The following LIMD1 variants were observed in gnomAD, a reference collection of about 807,000 sequenced individuals.
LIMD1 encodes the protein LIM domain-containing protein 1.
LIMD1 carries 23 observed loss-of-function variants against 58.4 expected under a neutral mutation model. The observed-to-expected ratio is 0.39, with a 90% CI of 0.28 to 0.56. LIMD1 has a LOEUF of 0.56. Among genes scored for constraint, LIMD1 ranks in the 20% least tolerant of loss-of-function variants. The pLI, the probability that LIMD1 is intolerant of heterozygous loss-of-function variation, is 0.57. For missense variants in LIMD1, 838 were observed against 855.5 expected, an observed-to-expected ratio of 0.98 and a Z score of 0.25; for synonymous variants, 334 against 345.5, an observed-to-expected ratio of 0.97 and a Z score of 0.37.
intron 2 of LIMD1, among the ~76,000 whole-genome samples, chr3:45,639,938 C>T (rs972578918): frequency 6.6e-6 from 1 of 152,252 alleles, no homozygotes; most frequent in African/African-American, 2.4e-5. Flanking sequence ...GCTGGGATTA[C>T]AGGCGTGAGC....
rs1701320208 is a variant in LIMD1, at chr3:45,594,808, CA to C, written c.-71del. ...ACACACACACACACACACACACACA[CA>C]CACACACACACACACACACACACAC... On this transcript the variant is annotated 5_prime_UTR_variant, in exon 1 of 8. Coordinates refer to ENST00000273317, the MANE Select transcript of LIMD1 (RefSeq NM_014240.3). 1 of 652,470 alleles carries C rather than the reference CA, an allele frequency of 1.5e-6. No homozygotes were observed. The highest frequency in any genetic ancestry group is 2.5e-6 in the Non-Finnish European group (1 of 397,660). 40.4% of individuals were successfully genotyped at this position (652,470 alleles called of 1,614,324 possible). A position where few individuals can be genotyped will look rare whatever the true frequency, so the allele number is the denominator to read the frequency against.
chr3:45,671,731 G>C (rs758436328), intron 4 of LIMD1, among the ~76,000 whole-genome samples: 3 of 152,176 alleles, frequency 2.0e-5, no homozygotes, highest in Non-Finnish European at 2.9e-5. Context: ...AGAAATCTGG[G>C]ATGGGGTCCA....
chr3:45,677,396 G>A lies in LIMD1; in HGVS notation c.*337G>A, dbSNP rs1697685634. On this transcript the variant is annotated 3_prime_UTR_variant, in exon 8 of 8. Coordinates refer to ENST00000273317, the MANE Select transcript of LIMD1 (RefSeq NM_014240.3). ...GAACATTTCATGCTTCAGAGGGAGA[G>A]GTTTTTATTGAGCTTGTTTCACAAT... The A allele has an allele frequency of 4.6e-6, 1 of 215,808 alleles. No homozygotes were observed. The highest frequency in any genetic ancestry group is 9.4e-6 in the Non-Finnish European group (1 of 106,862). The allele number at this position is 215,808 out of a possible 1,614,324, so 13.4% of individuals were successfully genotyped here.
At chr3:45,672,043 T>A (rs1209243278) in intron 4 of LIMD1, among the ~76,000 whole-genome samples, 2 of 152,166 alleles carry the variant, frequency 1.3e-5, no homozygotes, top group Non-Finnish European at 2.9e-5. Context: ...GGAAGAAGTT[T>A]GTGGGGCTTT....
intron 1 of LIMD1, among the ~76,000 whole-genome samples, chr3:45,606,546 C>T (rs947122411): frequency 5.3e-5 from 8 of 152,240 alleles, no homozygotes; most frequent in African/African-American, 1.9e-4. Context: ...AAGTGCCTCC[C>T]TGCAGGGCAG....
chr3:45,607,193 G>T (rs979562982), intron 1 of LIMD1, among the ~76,000 whole-genome samples: 21 of 152,184 alleles, frequency 1.4e-4, no homozygotes, highest in African/African-American at 5.1e-4. Flanking sequence ...TTTCCAAGGC[G>T]TGGCAACGCA....
intron 2 of LIMD1, among the ~76,000 whole-genome samples, chr3:45,640,745 A>G (rs1419728566): frequency 6.6e-6 from 1 of 152,194 alleles, no homozygotes; most frequent in African/African-American, 2.4e-5. Flanking sequence ...TGGTGTTATT[A>G]CATAGATGGT....
At chr3:45,605,278 G>A (rs1701457182) in intron 1 of LIMD1, among the ~76,000 whole-genome samples, 1 of 152,268 alleles carries the variant, frequency 6.6e-6, no homozygotes, top group African/African-American at 2.4e-5. Flanking sequence ...GCCTGGAAAG[G>A]CAGAGGCCAA....
At chr3:45,622,754 C>T (rs1249992119) in intron 1 of LIMD1, among the ~76,000 whole-genome samples, 9 of 151,766 alleles carry the variant, frequency 5.9e-5, no homozygotes, top group South Asian at 2.1e-4. Context: ...CTGCAACCTC[C>T]GCCTCCCAGG....
In LIMD1 at chr3:45,677,176, T is replaced by C; in HGVS notation, c.*117T>C. 1 of 1,175,908 alleles carries C rather than the reference T, an allele frequency of 8.5e-7. No individual in the cohort carries two copies. The highest frequency in any genetic ancestry group is 1.2e-6 in the Non-Finnish European group (1 of 825,826). 72.8% of individuals were successfully genotyped at this position (1,175,908 alleles called of 1,614,324 possible). On this transcript the variant is annotated 3_prime_UTR_variant, in exon 8 of 8. Coordinates refer to ENST00000273317, the MANE Select transcript of LIMD1 (RefSeq NM_014240.3). ...GGAAGAGGAGGGGCAGGAGGGAGAGTTCCTGTGAGCATGTGGGGGGTGCCT... is the reference window on the plus strand; with the variant it reads ...GGAAGAGGAGGGGCAGGAGGGAGAGCTCCTGTGAGCATGTGGGGGGTGCCT...
intron 1 of LIMD1, among the ~76,000 whole-genome samples, chr3:45,602,862 C>T (rs1357975932): frequency 5.4e-5 from 8 of 148,738 alleles, no homozygotes; most frequent in Non-Finnish European, 1.0e-4. Flanking sequence ...TAAATTGAGA[C>T]GGAGGCTCAC....
intron 7 of LIMD1, 27 bp downstream of exon 7, chr3:45,674,438 A>G (rs1435689823): frequency 1.3e-6 from 2 of 1,559,340 alleles, no homozygotes; most frequent in Admixed American, 3.4e-5. Context: ...CCAGCCCCCA[A>G]AGCCCATTGT....
At chr3:45,625,309 A>T (rs939960603) in intron 1 of LIMD1, among the ~76,000 whole-genome samples, 4 of 152,120 alleles carry the variant, frequency 2.6e-5, no homozygotes, top group Admixed American at 1.3e-4. Context: ...TAGCTCACTG[A>T]TGCCATTAAT....
chr3:45,612,125 C>G (rs1017662676), intron 1 of LIMD1, among the ~76,000 whole-genome samples: 1 of 150,692 alleles, frequency 6.6e-6, no homozygotes, highest in African/African-American at 2.4e-5. Flanking sequence ...TCACTCTGTA[C>G]CCAGGTTAGA....
chr3:45,672,959 G>A (rs1697611891), intron 5 of LIMD1, 139 bp downstream of exon 5: 7 of 929,088 alleles, frequency 7.5e-6, no homozygotes, highest in Admixed American at 2.3e-5. Flanking sequence ...TGGTTTTGAG[G>A]GGTACAGCAG....
intron 1 of LIMD1, among the ~76,000 whole-genome samples, chr3:45,626,268 T>C (rs954627463): frequency 3.9e-5 from 6 of 152,244 alleles, no homozygotes; most frequent in African/African-American, 1.2e-4. Context: ...TGAAAACTTA[T>C]GTCCACACAA....
Position 45,594,805 on chromosome 3 carries a change from A to T in LIMD1, c.-75A>T, listed in dbSNP as rs1376977228. The T allele has an allele frequency of 2.2e-6, 1 of 451,338 alleles. No individual in the cohort carries two copies. The highest frequency in any genetic ancestry group is 3.8e-6 in the Non-Finnish European group (1 of 264,800). The allele number at this position is 451,338 out of a possible 1,614,324, so 28.0% of individuals were successfully genotyped here. On this transcript the variant is annotated 5_prime_UTR_variant, in exon 1 of 8. Coordinates refer to ENST00000273317, the MANE Select transcript of LIMD1 (RefSeq NM_014240.3). ...CACACACACACACACACACACACAC[A>T]CACACACACACACACACACACACAC... is the stretch of plus-strand genomic sequence containing the variant.
intron 2 of LIMD1, among the ~76,000 whole-genome samples, chr3:45,641,706 T>C (rs1302884895): frequency 3.9e-5 from 6 of 152,160 alleles, no homozygotes; most frequent in Non-Finnish European, 8.8e-5. Context: ...ACTGTTACTT[T>C]AGGCAGTTTA....
At chr3:45,599,878 C>T (rs2125647191) in intron 1 of LIMD1, among the ~76,000 whole-genome samples, 1 of 152,318 alleles carries the variant, frequency 6.6e-6, no homozygotes. Flanking sequence ...GGTGGCAGAG[C>T]TTCCATCTGC....
Sources: allele counts gnomAD v4.1 joint callset (sites outside exome capture counted in the v4.1 genomes callset), GRCh38; gene constraint gnomAD v4.1.1; transcripts MANE v1.5; gene names NCBI Gene and HGNC (gene_info 2026-07-23, HGNC 2026-07-21).